The following ADARB1 variants were observed in gnomAD, a reference collection of about 807,000 sequenced individuals.
The protein encoded by ADARB1 is adenosine deaminase RNA specific B1, also known as double-stranded RNA-specific editase 1.
In ADARB1, 10 loss-of-function variants were observed where a neutral mutation model predicts 52.4. The observed-to-expected ratio is 0.19, with a 90% CI of 0.12 to 0.32. The LOEUF (loss-of-function observed/expected upper bound fraction) is 0.32, where lower values mean the gene tolerates loss of function less well. Ranked by LOEUF, ADARB1 falls within the 10% of genes least tolerant of loss-of-function variation. The pLI, the probability that ADARB1 is intolerant of heterozygous loss-of-function variation, is 1.00. For missense variants in ADARB1, 643 were observed against 922.3 expected (o/e 0.70, Z 3.92); for synonymous variants, 349 against 371.1 (o/e 0.94, Z 0.68).
chr21:45,180,859 T>C (rs543929832), intron 5 of ADARB1, among the ~76,000 whole-genome samples: 2 of 151,828 alleles, frequency 1.3e-5, no homozygotes, highest in South Asian at 2.1e-4. Flanking sequence ...CTAGCAAGAG[T>C]AGAAAATCCG....
chr21:45,194,075 A>G (rs1180843618), intron 8 of ADARB1, among the ~76,000 whole-genome samples: 1 of 152,248 alleles, frequency 6.6e-6, no homozygotes, highest in Non-Finnish European at 1.5e-5. Flanking sequence ...TGATTTCAAG[A>G]TAGTAATTAA....
chr21:45,113,709 G>A (rs1005640497), intron 1 of ADARB1, among the ~76,000 whole-genome samples: 5 of 152,074 alleles, frequency 3.3e-5, no homozygotes, highest in Admixed American at 1.3e-4. Context: ...GCCCAGAGGA[G>A]CCTGTGCAGC....
At chr21:45,212,242 T>A (rs1031984910) in intron 9 of ADARB1, among the ~76,000 whole-genome samples, 1 of 152,186 alleles carries the variant, frequency 6.6e-6, no homozygotes, top group African/African-American at 2.4e-5. Context: ...GCAGTTTAAA[T>A]GGACACCCTC....
chr21:45,187,020 G>C (rs1341300746), intron 8 of ADARB1, among the ~76,000 whole-genome samples: 1 of 152,120 alleles, frequency 6.6e-6, no homozygotes, highest in Non-Finnish European at 1.5e-5. Context: ...AGGGTCTCCT[G>C]ATATTTCATA....
chr21:45,106,745 T>A (rs901084993), intron 1 of ADARB1, among the ~76,000 whole-genome samples: 4 of 152,214 alleles, frequency 2.6e-5, no homozygotes, highest in Non-Finnish European at 5.9e-5. Context: ...CAAATACGGC[T>A]GGATGCACTT....
In ADARB1 at chr21:45,171,617, C is replaced by G; in HGVS notation, c.-40C>G. 1 of 1,608,004 alleles carries G rather than the reference C, an allele frequency of 6.2e-7. No homozygotes were observed. The highest frequency in any genetic ancestry group is 8.5e-7 in the Non-Finnish European group (1 of 1,174,928). On this transcript the variant is annotated 5_prime_UTR_variant, in exon 3 of 11. Coordinates refer to ENST00000348831, the MANE Select transcript of ADARB1 (RefSeq NM_001112.4). ...TTTCTTACTGTCTTTCAGACAGAAA[C>G]AGTCTCCGCCAGTCAAGAAACCCTC...
intron 8 of ADARB1, among the ~76,000 whole-genome samples, chr21:45,192,945 T>A (rs1251132725): frequency 6.6e-6 from 1 of 152,192 alleles, no homozygotes; most frequent in East Asian, 1.9e-4. Flanking sequence ...ATTTAAAGCC[T>A]TTCCCACCAA....
intron 1 of ADARB1, among the ~76,000 whole-genome samples, chr21:45,105,590 G>A (rs999105953): frequency 2.6e-5 from 4 of 152,192 alleles, no homozygotes; most frequent in African/African-American, 4.8e-5. Context: ...GAGAAAACTC[G>A]TAAGTGCCCT....
intron 2 of ADARB1, among the ~76,000 whole-genome samples, chr21:45,130,950 T>G (rs1188516470): frequency 1.3e-4 from 20 of 152,220 alleles, no homozygotes; most frequent in Admixed American, 1.3e-3. Flanking sequence ...CCTTGACTCT[T>G]GTTGAAGCCT....
At chr21:45,174,195 A>G (rs1424321961) in intron 3 of ADARB1, among the ~76,000 whole-genome samples, 1 of 152,230 alleles carries the variant, frequency 6.6e-6, no homozygotes, top group East Asian at 1.9e-4. Context: ...ATTGGTTTAC[A>G]ATTTTAGTAA....
At chr21:45,141,746 C>T (rs1213897182) in intron 2 of ADARB1, among the ~76,000 whole-genome samples, 6 of 151,562 alleles carry the variant, frequency 4.0e-5, no homozygotes, top group Admixed American at 3.9e-4. Flanking sequence ...CCTGGGTCAC[C>T]TTAGCCACCC....
At chr21:45,079,176 T>C (rs866632911) in intron 1 of ADARB1, among the ~76,000 whole-genome samples, 1 of 152,236 alleles carries the variant, frequency 6.6e-6, no homozygotes, top group African/African-American at 2.4e-5. Context: ...ATTTGTAAGA[T>C]GCCATCATTT....
intron 2 of ADARB1, among the ~76,000 whole-genome samples, chr21:45,147,218 T>TA (rs2090052296): frequency 6.6e-6 from 1 of 152,240 alleles, no homozygotes; most frequent in African/African-American, 2.4e-5. Context: ...ATAATTAAAT[T>TA]AATAAACCTA....
chr21:45,116,279 G>A (rs967259293), intron 1 of ADARB1, among the ~76,000 whole-genome samples: 2 of 152,248 alleles, frequency 1.3e-5, no homozygotes, highest in Admixed American at 1.3e-4. Context: ...TAGGGCCTGC[G>A]CCTGTGCTTG....
At chr21:45,166,285 A>C (rs1206775827) in intron 2 of ADARB1, among the ~76,000 whole-genome samples, 1 of 152,232 alleles carries the variant, frequency 6.6e-6, no homozygotes, top group Non-Finnish European at 1.5e-5. Context: ...CCCCCAGTAC[A>C]AAACGTATAA....
chr21:45,130,436 A>T (rs1051868574), intron 2 of ADARB1, among the ~76,000 whole-genome samples: 1 of 152,238 alleles, frequency 6.6e-6, no homozygotes, highest in Non-Finnish European at 1.5e-5. Flanking sequence ...TTACGACATG[A>T]TGAGTCATAT....
At chr21:45,161,323 C>T (rs1569094543) in intron 2 of ADARB1, among the ~76,000 whole-genome samples, 2 of 152,202 alleles carry the variant, frequency 1.3e-5, no homozygotes, top group Non-Finnish European at 2.9e-5. Flanking sequence ...TCACCAGGGC[C>T]CAGGAAGCCC....
At position 45,223,572 on chromosome 21, in the gene ADARB1, G is replaced by A; in HGVS notation, c.*1375G>A. The A allele has an allele frequency of 1.0e-6, 1 of 985,762 alleles. No homozygotes were observed. Among genetic ancestry groups the A allele is most frequent in the Non-Finnish European group, 1.2e-6 (1 of 830,176 alleles). 61.1% of individuals were successfully genotyped at this position (985,762 alleles called of 1,614,324 possible). Reference sequence around the variant, plus strand: ...GCCCAGCTCCAAGGCTCTAGAGGGTGTTCAGGTGGGTCTCCTGGGGCCATG... The same window carrying A: ...GCCCAGCTCCAAGGCTCTAGAGGGTATTCAGGTGGGTCTCCTGGGGCCATG... On this transcript the variant is annotated 3_prime_UTR_variant, in exon 11 of 11. Coordinates refer to ENST00000348831, the MANE Select transcript of ADARB1 (RefSeq NM_001112.4).
Position 45,176,124 on chromosome 21 carries a change from T to C in ADARB1, c.423T>C (p.Ser141=). The C allele has an allele frequency of 1.2e-6, 2 of 1,614,030 alleles. No homozygotes were observed. Among genetic ancestry groups the C allele is most frequent in the Non-Finnish European group, 1.7e-6 (2 of 1,179,988 alleles). ...ATGCTGCTGAGAAGGCCTTGAGGTCTTTCGTTCAGTTTCCTAATGCCTCTG... is the reference window on the plus strand; with the variant it reads ...ATGCTGCTGAGAAGGCCTTGAGGTCCTTCGTTCAGTTTCCTAATGCCTCTG... ...KLHAAEKALR[S]FVQFPNASEA... The change falls in exon 4 of 11, where the codon TCT becomes TCC. Residue 141 remains serine, a synonymous_variant. Coordinates refer to ENST00000348831, the MANE Select transcript of ADARB1 (RefSeq NM_001112.4). The surrounding 1 kb of genome is among the most constrained non-coding windows in gnomAD (Gnocchi z 5.8).
Sources: gnomAD v4.1 joint callset for allele counts (sites outside exome capture counted in the v4.1 genomes callset) on GRCh38, gnomAD v4.1.1 for gene constraint, Gnocchi (gnomAD v3.1) non-coding constraint, MANE v1.5 for transcripts, NCBI Gene and HGNC (gene_info 2026-07-23, HGNC 2026-07-21) for gene names.